Variants in PRSS53 observed in about 807,000 individuals in gnomAD.
The protein encoded by PRSS53 is EDTP308.
A neutral mutation model predicts 62.7 loss-of-function variants in PRSS53; 54 were observed. The ratio of observed to expected loss-of-function variants is 0.86; its 90% CI spans 0.69 to 1.08. The LOEUF (loss-of-function observed/expected upper bound fraction) is 1.08. Ranked by LOEUF, PRSS53 falls within the 50% of genes least tolerant of loss-of-function variation. The pLI is 0.00. For synonymous variants in PRSS53, 273 were observed against 300.0 expected (o/e 0.91, Z 0.93); for missense variants, 688 against 728.3 (o/e 0.94, Z 0.64).
exon 5 of PRSS53, chr16:31,086,344 G>A: frequency 1.2e-6 from 2 of 1,611,102 alleles, no homozygotes; most frequent in South Asian, 2.2e-5. Flanking sequence ...GACCTGACAG[G>A]GGCCCTGCAC....
rs766869735 is a variant in PRSS53, at chr16:31,087,657, C to G, written c.122G>C (p.Gly41Ala). Residue 41 changes from glycine to alanine, a missense_variant, in exon 3 of 11, where the codon GGC (glycine) becomes GCC (alanine). Physicochemically the swap from Gly to Ala is moderately conservative, Grantham distance 60. Coordinates refer to ENST00000280606, the Ensembl canonical transcript of PRSS53. ...GGGCCACTCGCCAGGGACTGTGTTGCCCTCCTGAGGCTTGGGGGGGCCGGG... is the reference window on the plus strand; with the variant it reads ...GGGCCACTCGCCAGGGACTGTGTTGGCCTCCTGAGGCTTGGGGGGGCCGGG... 6 of 1,611,322 alleles carry G rather than the reference C, an allele frequency of 3.7e-6. No individual in the cohort carries two copies. The Admixed American group carries it at 8.4e-5, about 23-fold the overall frequency.
Position 31,086,170 on chromosome 16 carries a change from C to T in PRSS53, c.677G>A (p.Gly226Asp), listed in dbSNP as rs746594690. The T allele has an allele frequency of 9.9e-6, 16 of 1,610,848 alleles. No homozygotes were observed. In the African/African-American group the frequency reaches 2.1e-4, roughly 21 times the overall value. ...GTCAGGCTCGAGGCACAGCACAGGGCCCCCGGAATCTCCCTGGAGCCAGGC... is the reference window on the plus strand; with the variant it reads ...GTCAGGCTCGAGGCACAGCACAGGGTCCCCGGAATCTCCCTGGAGCCAGGC... Residue 226 changes from glycine (G) to aspartate (D), a missense_variant, in exon 6 of 11, where the codon GGC becomes GAC. By Grantham distance (94) the Gly-to-Asp change is moderately conservative. Transcript: ENST00000280606.
chr16:31,086,341 CA>C lies in PRSS53; in HGVS notation c.658del (p.Cys220ValfsTer39). ...CTTCTCTTCTCCCTATCAGACCTGA[CA>C]GGGGCCCTGCACCCCAGGCTGGGGG... On this transcript the variant is annotated frameshift_variant, in exon 5 of 11. Transcript: ENST00000280606. LOFTEE classifies it high-confidence loss of function. The C allele has an allele frequency of 6.2e-7, 1 of 1,610,656 alleles. No homozygotes were observed.
chr16:31,086,696 C>A, exon 4 of PRSS53: 2 of 1,558,268 alleles, frequency 1.3e-6, no homozygotes, highest in South Asian at 1.2e-5. Context: ...AAGCGATGGG[C>A]GGGCTGGGGC....
intron 3 of PRSS53, chr16:31,087,142 C>T (rs1057027696): frequency 1.8e-5 from 10 of 541,966 alleles, no homozygotes; most frequent in East Asian, 1.6e-4. Context: ...GGACTACAGG[C>T]GTGCACCACC....
chr16:31,088,796 C>T lies in PRSS53; in HGVS notation c.14G>A (p.Trp5Ter), dbSNP rs774257823. 2.6e-5 allele frequency: 42 copies of T among 1,613,736 alleles called. No homozygotes were observed. In the Middle Eastern group the frequency reaches 4.9e-4, roughly 19 times the overall value. The change falls in exon 1 of 11, where the codon TGG becomes TAG. Residue 5 changes from tryptophan to a stop codon, truncating the protein, a stop_gained. Transcript: ENST00000280606. LOFTEE classifies it high-confidence loss of function. ...ACCCGCGATGAGCAGCACTGGGCCC[C>T]AGCACCACTTCATGCTGCCCCGGGC...
chr16:31,087,812 G>A lies in PRSS53; in HGVS notation c.73C>T (p.Gln25Ter). 2 of 1,614,042 alleles carry A rather than the reference G, an allele frequency of 1.2e-6. No individual in the cohort carries two copies. The highest frequency in any genetic ancestry group is 1.3e-5 in the African/African-American group (1 of 75,056). ...CCGTGTCCCCAGACCTTACCACGCT[G>A]AGCGGCTTGAAGACCTGGGAAGAGA... Residue 25 changes from glutamine (Q) to a stop codon, truncating the protein, a stop_gained, in exon 2 of 11, where the codon CAG (glutamine) becomes TAG (stop). Coordinates refer to ENST00000280606, the Ensembl canonical transcript of PRSS53. LOFTEE classifies it high-confidence loss of function.
At chr16:31,085,373 C>T (rs2057221684) in intron 6 of PRSS53, 113 bp from the exon 7 acceptor site, 2 of 1,271,390 alleles carry the variant, frequency 1.6e-6, no homozygotes, top group South Asian at 1.6e-5. Context: ...CTGAAGGTAA[C>T]CAAAGTTCCA....
intron 10 of PRSS53, 50 bp from the exon 11 acceptor site, chr16:31,083,859 T>TGCCACCCACCCCC: frequency 6.3e-7 from 1 of 1,590,060 alleles, no homozygotes; most frequent in Non-Finnish European, 8.6e-7. Context: ...ACGGCTTTGG[T>TGCCACCCACCCCC]CCCTCCCTCC....
At chr16:31,084,435 A>G in intron 9 of PRSS53, 100 bp from the exon 10 acceptor site, 1 of 1,493,762 alleles carries the variant, frequency 6.7e-7, no homozygotes, top group Non-Finnish European at 9.0e-7. Context: ...GCTAATTGGC[A>G]AAAAGGCTTA....
At chr16:31,088,528 C>T in intron 1 of PRSS53, 2 of 1,424,946 alleles carry the variant, frequency 1.4e-6, no homozygotes, top group Admixed American at 2.8e-5. Context: ...CACACAAGAC[C>T]ACAGGCCCCG....
chr16:31,083,848 C>CA, intron 10 of PRSS53, 39 bp from the exon 11 acceptor site: 2 of 1,613,910 alleles, frequency 1.2e-6, no homozygotes, highest in South Asian at 2.2e-5. Context: ...TCCTCATCCT[C>CA]ACGGCTTTGG....
intron 1 of PRSS53, chr16:31,088,145 G>A (rs1353937592): frequency 7.5e-7 from 1 of 1,329,564 alleles, no homozygotes; most frequent in Non-Finnish European, 9.7e-7. Context: ...AGTCAGCCAG[G>A]CGGCCTGTGT....
At chr16:31,086,416 T>C (rs753457311) in exon 5 of PRSS53, 2 of 1,614,062 alleles carry the variant, frequency 1.2e-6, no homozygotes, top group East Asian at 2.2e-5. Flanking sequence ...GTGTCGCTGG[T>C]GCAGCTGGTT....
rs371896509 is a variant in PRSS53, at chr16:31,083,813, T to A, written c.1643-4A>T. The A allele has an allele frequency of 6.2e-7, 1 of 1,613,888 alleles. No homozygotes were observed. Among genetic ancestry groups the A allele is most frequent in the Non-Finnish European group, 8.5e-7 (1 of 1,179,904 alleles). On this transcript the variant is annotated splice_region_variant and splice_polypyrimidine_tract_variant and intron_variant, in intron 10 of 10. Coordinates refer to ENST00000280606, the Ensembl canonical transcript of PRSS53. ...TGTCAGCAGCTGGTTGGTTGGCCTG[T>A]GGGGAAGGAAGGAGGGTGGAGTTGT...
chr16:31,087,907 G>A, intron 1 of PRSS53, 81 bp from the exon 2 acceptor site: 1 of 1,583,968 alleles, frequency 6.3e-7, no homozygotes, highest in Non-Finnish European at 8.6e-7. Flanking sequence ...GGGCTGGGGG[G>A]CGGGCCCAGG....
At chr16:31,087,472 G>T in intron 3 of PRSS53, 65 bp downstream of exon 3, 2 of 1,279,082 alleles carry the variant, frequency 1.6e-6, no homozygotes, top group Non-Finnish European at 2.2e-6. Context: ...TAGCCTTGTG[G>T]GGCTTGAGAC....
exon 3 of PRSS53, chr16:31,087,546 C>T (rs1373976243): frequency 6.2e-7 from 1 of 1,612,910 alleles, no homozygotes; most frequent in Non-Finnish European, 8.5e-7. Context: ...CTTTTCAAAG[C>T]AGTGGGCAGC....
At chr16:31,088,779 T>C (rs762420774) in exon 1 of PRSS53, 7 of 1,613,682 alleles carry the variant, frequency 4.3e-6, no homozygotes, top group Admixed American at 3.3e-5. Context: ...GCACCCGCGA[T>C]GAGCAGCACT....
Sources: allele counts gnomAD v4.1 joint callset, GRCh38; gene constraint gnomAD v4.1.1; transcripts MANE v1.5; gene names NCBI Gene and HGNC (gene_info 2026-07-23, HGNC 2026-07-21).